Variants in TMCC1 observed in about 807,000 individuals in gnomAD.
The protein encoded by TMCC1 is transmembrane and coiled-coil domain family 1, also known as transmembrane and coiled-coil domains protein 1.
A neutral mutation model predicts 52.4 loss-of-function variants in TMCC1; 15 were observed. The observed-to-expected ratio is 0.29, with a 90% CI of 0.19 to 0.44. The LOEUF (loss-of-function observed/expected upper bound fraction) is 0.44. TMCC1 is among the 20% of genes least tolerant of loss of function. TMCC1 has a pLI of 1.00. For missense variants in TMCC1, 503 were observed against 806.0 expected (o/e 0.62, Z 4.55); for synonymous variants, 279 against 301.9 (o/e 0.92, Z 0.79).
At chr3:129,824,552 A>ATTTTAAT (rs2058574510) in intron 4 of TMCC1, among the ~76,000 whole-genome samples, 1 of 152,210 alleles carries the variant, frequency 6.6e-6, no homozygotes, top group Non-Finnish European at 1.5e-5. Context: ...TATTAAAGGA[A>ATTTTAAT]ACTCAGTATT....
chr3:129,773,142 A>G (rs964855157), intron 4 of TMCC1, among the ~76,000 whole-genome samples: 5 of 152,252 alleles, frequency 3.3e-5, no homozygotes, highest in Non-Finnish European at 5.9e-5. Flanking sequence ...CTGGTTGAAT[A>G]AACTATCGTC....
chr3:129,888,228 A>T (rs1211868305), intron 1 of TMCC1, among the ~76,000 whole-genome samples: 1 of 152,262 alleles, frequency 6.6e-6, no homozygotes, highest in Non-Finnish European at 1.5e-5. Flanking sequence ...AGGTAAGGTT[A>T]GAATGATACA....
intron 4 of TMCC1, among the ~76,000 whole-genome samples, chr3:129,689,548 G>A (rs556116163): frequency 6.6e-6 from 1 of 152,234 alleles, no homozygotes; most frequent in Non-Finnish European, 1.5e-5. Context: ...GAGCCTGGGG[G>A]TGTGATATGA....
chr3:129,720,201 A>AAAAAAAAAAAAAAAAAAAAAAAAAAAG (rs1560263938), intron 4 of TMCC1, among the ~76,000 whole-genome samples: 2 of 151,310 alleles, frequency 1.3e-5, no homozygotes, highest in African/African-American at 4.9e-5. Flanking sequence ...AAAAAAAAAA[A>AAAAAAAAAAAAAAAAAAAAAAAAAAAG]AGAGATGGAA....
chr3:129,715,536 T>C (rs1403700322), intron 4 of TMCC1, among the ~76,000 whole-genome samples: 1 of 152,108 alleles, frequency 6.6e-6, no homozygotes, highest in African/African-American at 2.4e-5. Flanking sequence ...AGAGACTCCA[T>C]CTCAAACAAA....
chr3:129,850,441 T>C (rs1391209622), intron 2 of TMCC1, among the ~76,000 whole-genome samples: 1 of 152,188 alleles, frequency 6.6e-6, no homozygotes, highest in Non-Finnish European at 1.5e-5. Flanking sequence ...ATAACTTGCA[T>C]CCAAAATATT....
intron 2 of TMCC1, chr3:129,857,438 A>C (rs538197760): frequency 1.3e-5 from 2 of 152,390 alleles, no homozygotes; most frequent in Admixed American, 1.3e-4. Context: ...GGAAGCAGAA[A>C]GAATCAATAA....
At chr3:129,734,846 T>A (rs2050818253) in intron 4 of TMCC1, among the ~76,000 whole-genome samples, 1 of 152,138 alleles carries the variant, frequency 6.6e-6, no homozygotes, top group Admixed American at 6.5e-5. Flanking sequence ...GTTGTTATTC[T>A]CTTTTTCATT....
rs577786109 is a variant in TMCC1, at chr3:129,730,307, ATTAAT to A, written c.577-59048_577-59044del. On this transcript the variant is annotated intron_variant, in intron 4 of 6. Transcript: ENST00000393238. Reference sequence around the variant, plus strand: ...AAAAGTTTCATAGTTTATTTTATATATTAATTTATGATTTATTTTGTGTTAATTTT... The same window carrying A: ...AAAAGTTTCATAGTTTATTTTATATATTATGATTTATTTTGTGTTAATTTT... Among the ~76,000 whole-genome samples, 789 of 152,234 alleles carry A rather than the reference ATTAAT, an allele frequency of 5.2e-3. 6 individuals carry two copies. The highest frequency in any genetic ancestry group is 0.024 in the Middle Eastern group (7 of 294).
chr3:129,725,183 A>G (rs990559425), intron 4 of TMCC1, among the ~76,000 whole-genome samples: 1 of 152,162 alleles, frequency 6.6e-6, no homozygotes, highest in African/African-American at 2.4e-5. Context: ...GTGTGATTTC[A>G]GCTCACCGCA....
rs1164813745 is a variant in TMCC1 at position 129,651,106 on chromosome 3, C to G, written c.*375G>C. ...AGACAAGGCAGGGTGTTAGGTTTAACTGGTTTGCCCTCATCAGGTTTTCGC... is the reference window on the plus strand; with the variant it reads ...AGACAAGGCAGGGTGTTAGGTTTAAGTGGTTTGCCCTCATCAGGTTTTCGC... On this transcript the variant is annotated 3_prime_UTR_variant, in exon 7 of 7. Transcript: ENST00000393238. The surrounding 1 kb of genome is among the most constrained non-coding windows in gnomAD (Gnocchi z 5.1). 5.4e-6 allele frequency: 1 copy of G among 184,022 alleles called. No individual in the cohort carries two copies. Among genetic ancestry groups the G allele is most frequent in the East Asian group, 1.4e-4 (1 of 7,046 alleles). 11.4% of individuals were successfully genotyped at this position (184,022 alleles called of 1,614,324 possible).
At chr3:129,723,558 T>C (rs1406391898) in intron 4 of TMCC1, among the ~76,000 whole-genome samples, 1 of 140,524 alleles carries the variant, frequency 7.1e-6, no homozygotes, top group Non-Finnish European at 1.6e-5. Context: ...GATTTTCCAG[T>C]AACTATTTCG....
intron 4 of TMCC1, 107 bp from the exon 5 acceptor site, chr3:129,671,371 A>C: frequency 2.5e-6 from 3 of 1,177,974 alleles, no homozygotes; most frequent in Non-Finnish European, 3.5e-6. Flanking sequence ...ATCTCAGTAG[A>C]TAACTGACCT....
chr3:129,712,505 T>A (rs1360670482), intron 4 of TMCC1, among the ~76,000 whole-genome samples: 1 of 152,190 alleles, frequency 6.6e-6, no homozygotes, highest in East Asian at 1.9e-4. Flanking sequence ...TGAAGTGCAG[T>A]GGCACAATCA....
chr3:129,857,721 C>G (rs2060205369), intron 2 of TMCC1, among the ~76,000 whole-genome samples: 1 of 112,748 alleles, frequency 8.9e-6, no homozygotes. Context: ...GCCACTAAGC[C>G]TGGCTAATTT....
intron 4 of TMCC1, among the ~76,000 whole-genome samples, chr3:129,681,822 C>T (rs533776826): frequency 3.3e-5 from 5 of 151,336 alleles, no homozygotes; most frequent in Admixed American, 2.6e-4. Flanking sequence ...GCAGGAGGAT[C>T]GCTTGAACCT....
At chr3:129,694,385 A>T (rs2047244808) in intron 4 of TMCC1, among the ~76,000 whole-genome samples, 2 of 152,244 alleles carry the variant, frequency 1.3e-5, no homozygotes, top group South Asian at 4.1e-4. Flanking sequence ...AATCAGGCCA[A>T]ACCTAATGAG....
intron 4 of TMCC1, among the ~76,000 whole-genome samples, chr3:129,783,173 C>A (rs948980060): frequency 2.0e-5 from 3 of 152,180 alleles, no homozygotes; most frequent in Non-Finnish European, 4.4e-5. Context: ...AGATGAATGA[C>A]ATATGATTCC....
intron 4 of TMCC1, among the ~76,000 whole-genome samples, chr3:129,686,854 A>G (rs2089443007): frequency 6.6e-6 from 1 of 152,248 alleles, no homozygotes; most frequent in Non-Finnish European, 1.5e-5. Flanking sequence ...AAATGAGGAA[A>G]AGCACTATTA....
Sources: gnomAD v4.1 joint callset for allele counts (sites outside exome capture counted in the v4.1 genomes callset) on GRCh38, gnomAD v4.1.1 for gene constraint, Gnocchi (gnomAD v3.1) non-coding constraint, MANE v1.5 for transcripts, NCBI Gene and HGNC (gene_info 2026-07-23, HGNC 2026-07-21) for gene names.